The following ARHGAP21 variants were observed in gnomAD, a reference collection of about 807,000 sequenced individuals.
ARHGAP21 encodes rho GTPase-activating protein 21.
In ARHGAP21, 38 loss-of-function variants were observed where a neutral mutation model predicts 164.6. The ratio of observed to expected loss-of-function variants is 0.23; its 90% confidence interval spans 0.18 to 0.30. ARHGAP21 has a LOEUF of 0.30. Among genes scored for constraint, ARHGAP21 ranks in the 10% least tolerant of loss-of-function variants. ARHGAP21 has a pLI of 1.00. For missense variants in ARHGAP21, 1,822 were observed against 2,370.7 expected (o/e 0.77, Z 4.81); for synonymous variants, 766 against 857.9 (o/e 0.89, Z 1.87).
Position 24,641,952 on chromosome 10 carries a change from C to T in ARHGAP21, c.269-6849G>A, listed in dbSNP as rs151091265. On this transcript the variant is annotated intron_variant, in intron 4 of 25. Transcript: ENST00000396432. ...TGGAGGTTGCAGTGAGCCTAGACTG[C>T]GCCACTGCACTCCAGCCTGGGTGAC... Among the ~76,000 whole-genome samples, 44 of 150,536 alleles carry T rather than the reference C, an allele frequency of 2.9e-4. No individual in the cohort carries two copies. The East Asian group carries it at 7.9e-3, about 27-fold the overall frequency.
At chr10:24,717,502 T>C (rs1266453932) in intron 2 of ARHGAP21, among the ~76,000 whole-genome samples, 3 of 152,062 alleles carry the variant, frequency 2.0e-5, no homozygotes, top group Admixed American at 6.6e-5. Flanking sequence ...CAGGGAAGGC[T>C]TTCCTGAGGA....
At chr10:24,587,023 G>A (rs1000976945) in intron 25 of ARHGAP21, among the ~76,000 whole-genome samples, 12 of 152,272 alleles carry the variant, frequency 7.9e-5, no homozygotes, top group South Asian at 2.1e-4. Context: ...CTGGGTGACA[G>A]AGTGAGAACC....
At position 24,665,398 on chromosome 10, in the gene ARHGAP21, G is replaced by A. The variant is rs1184180939; in HGVS notation, c.268+1587C>T. Among the ~76,000 whole-genome samples the A allele has an allele frequency of 3.3e-5, 5 of 151,976 alleles. No homozygotes were observed. In the East Asian group the frequency reaches 9.6e-4, roughly 29 times the overall value. ...TTACAAAGCTCCATCAACAGGTTGA[G>A]TGGTTAAACAATTTGTGGTATATTC... On this transcript the variant is annotated intron_variant, in intron 4 of 25. Coordinates refer to ENST00000396432, the MANE Select transcript of ARHGAP21 (RefSeq NM_020824.4).
At chr10:24,611,141 G>A (rs757877969) in intron 9 of ARHGAP21, among the ~76,000 whole-genome samples, 2 of 152,186 alleles carry the variant, frequency 1.3e-5, no homozygotes, top group Admixed American at 6.5e-5. Context: ...TCCTGTGGGC[G>A]GGCATGATCT....
At chr10:24,681,463 T>C (rs1022084634) in intron 2 of ARHGAP21, among the ~76,000 whole-genome samples, 17 of 152,310 alleles carry the variant, frequency 1.1e-4, no homozygotes, top group Admixed American at 2.6e-4. Context: ...TCCTAATCTA[T>C]CTTTTGTAAT....
rs766070753 is a variant in ARHGAP21 at position 24,607,787 on chromosome 10, T to C, written c.2539A>G (p.Thr847Ala). ...SIATVPPCLT[T>A]SAPLIRRQLS... ...TGACGGCGAATTAATGGAGCTGAAG[T>C]TGTGAGGCAAGGAGGAACTGTTGCT... is the stretch of plus-strand genomic sequence containing the variant. The change falls in exon 10 of 26, where the codon ACT becomes GCT. Residue 847 changes from threonine (T) to alanine (A), a missense_variant. By Grantham distance (58) the Thr-to-Ala change is moderately conservative. Coordinates refer to ENST00000396432, the MANE Select transcript of ARHGAP21 (RefSeq NM_020824.4). 3.1e-6 allele frequency: 5 copies of C among 1,613,844 alleles called. No homozygotes were observed. In the East Asian group the frequency reaches 1.1e-4, roughly 36 times the overall value.
At chr10:24,688,445 C>T (rs1252661340) in intron 2 of ARHGAP21, among the ~76,000 whole-genome samples, 1 of 152,070 alleles carries the variant, frequency 6.6e-6, no homozygotes, top group Non-Finnish European at 1.5e-5. Context: ...AGAACACTGA[C>T]ACTCCAAGAG....
At chr10:24,707,172 G>C (rs1844321763) in intron 2 of ARHGAP21, among the ~76,000 whole-genome samples, 1 of 152,164 alleles carries the variant, frequency 6.6e-6, no homozygotes, top group South Asian at 2.1e-4. Context: ...CTTTGCAAAA[G>C]GCAATGTAGC....
chr10:24,673,211 T>C (rs1315953096), intron 2 of ARHGAP21, among the ~76,000 whole-genome samples: 1 of 152,238 alleles, frequency 6.6e-6, no homozygotes, highest in Non-Finnish European at 1.5e-5. Context: ...ATCCACTTTA[T>C]AATGCAAAGA....
chr10:24,661,131 T>C (rs1455761912), intron 4 of ARHGAP21, among the ~76,000 whole-genome samples: 2 of 149,800 alleles, frequency 1.3e-5, no homozygotes, highest in African/African-American at 4.9e-5. Flanking sequence ...TAGAACATGT[T>C]ATACTATATT....
intron 24 of ARHGAP21, chr10:24,590,989 TCCCTCATAG>T (rs889825031): frequency 2.2e-5 from 19 of 868,500 alleles, no homozygotes; most frequent in Non-Finnish European, 2.6e-5. Flanking sequence ...CATGCTCATT[TCCCTCATAG>T]TTCCATTCTG....
At chr10:24,597,385 G>A (rs764710153) in intron 16 of ARHGAP21, 62 bp downstream of exon 16, 112 of 1,563,886 alleles carry the variant, frequency 7.2e-5, no homozygotes, top group Non-Finnish European at 9.2e-5. Context: ...AAACATAAAC[G>A]TACCTCAACG....
chr10:24,635,824 C>A (rs190375689), intron 4 of ARHGAP21, among the ~76,000 whole-genome samples: 1 of 152,220 alleles, frequency 6.6e-6, no homozygotes, highest in African/African-American at 2.4e-5. Context: ...GGATTACAGG[C>A]GTGAGCCACC....
At chr10:24,668,450 G>A (rs1593231664) in intron 3 of ARHGAP21, among the ~76,000 whole-genome samples, 1 of 152,298 alleles carries the variant, frequency 6.6e-6, no homozygotes, top group East Asian at 1.9e-4. Context: ...CTGTGTGTGT[G>A]CTCTGCAATG....
chr10:24,714,709 C>T (rs1845182259), intron 2 of ARHGAP21, among the ~76,000 whole-genome samples: 1 of 152,092 alleles, frequency 6.6e-6, no homozygotes, highest in African/African-American at 2.4e-5. Flanking sequence ...AGAATGAATC[C>T]TATGCCTCCA....
At chr10:24,663,278 G>A (rs554338643) in intron 4 of ARHGAP21, among the ~76,000 whole-genome samples, 2 of 152,266 alleles carry the variant, frequency 1.3e-5, no homozygotes, top group East Asian at 3.9e-4. Flanking sequence ...AAAGCAACCA[G>A]ATAATTTAAC....
chr10:24,632,339 T>C (rs899490143), intron 6 of ARHGAP21, among the ~76,000 whole-genome samples: 5 of 152,208 alleles, frequency 3.3e-5, no homozygotes, highest in African/African-American at 1.2e-4. Context: ...GTTGTATTTA[T>C]GATGATCTAA....
chr10:24,710,406 C>T (rs1055049839), intron 2 of ARHGAP21, among the ~76,000 whole-genome samples: 2 of 152,144 alleles, frequency 1.3e-5, no homozygotes, highest in African/African-American at 2.4e-5. Flanking sequence ...ACAATCTTCC[C>T]AGGAAGATTT....
intron 2 of ARHGAP21, among the ~76,000 whole-genome samples, chr10:24,692,382 T>G (rs999773573): frequency 1.9e-4 from 29 of 152,258 alleles, no homozygotes; most frequent in Non-Finnish European, 4.4e-5. Flanking sequence ...ACAATTCTTC[T>G]TACTAAATTA....
Sources: gnomAD v4.1 joint callset for allele counts (sites outside exome capture counted in the v4.1 genomes callset) on GRCh38, gnomAD v4.1.1 for gene constraint, MANE v1.5 for transcripts, NCBI Gene and HGNC (gene_info 2026-07-23, HGNC 2026-07-21) for gene names.